The following DLEC1 variants were observed in gnomAD, a reference collection of about 807,000 sequenced individuals.
DLEC1 encodes the protein deleted in lung and esophageal cancer protein 1.
Under a neutral mutation model 198.1 loss-of-function variants are expected in DLEC1, and 146 were observed. The observed-to-expected ratio is 0.74, with a 90% CI of 0.64 to 0.85. DLEC1 has a LOEUF of 0.85. DLEC1 is among the 40% of genes least tolerant of loss of function. The pLI is 0.00. For synonymous variants in DLEC1, 897 were observed against 866.8 expected (o/e 1.03, Z -0.61); for missense variants, 2,233 against 2,220.0 (o/e 1.01, Z -0.12).
intron 10 of DLEC1, among the ~76,000 whole-genome samples, chr3:38,090,917 C>A (rs889026089): frequency 2.0e-5 from 3 of 152,108 alleles, no homozygotes; most frequent in African/African-American, 7.2e-5. Context: ...TACATCTATA[C>A]CCCTCCATTT....
Position 38,122,974 on chromosome 3 carries a change from C to T in DLEC1, c.*562C>T. ...TGCTGAGTTTTCCCATGTGGTTTTG[C>T]TTTTGTGGTGTTACTGCCTTGCTGC... is the stretch of plus-strand genomic sequence containing the variant. On this transcript the variant is annotated 3_prime_UTR_variant, in exon 37 of 37. Coordinates refer to ENST00000308059, the MANE Select transcript of DLEC1 (RefSeq NM_007335.4). 6.6e-7 allele frequency: 1 copy of T among 1,519,918 alleles called. No homozygotes were observed. The highest frequency in any genetic ancestry group is 9.1e-7 in the Non-Finnish European group (1 of 1,098,918). The allele number at this position is 1,519,918 out of a possible 1,614,324, so 94.2% of individuals were successfully genotyped here. A position where few individuals can be genotyped will look rare whatever the true frequency, so the allele number is the denominator to read the frequency against.
intron 33 of DLEC1, among the ~76,000 whole-genome samples, chr3:38,119,036 AAGGCCC>A (rs1700324066): frequency 6.6e-6 from 1 of 152,170 alleles, no homozygotes; most frequent in Non-Finnish European, 1.5e-5. Flanking sequence ...AATGGATGGG[AAGGCCC>A]AGAGCACAGC....
chr3:38,078,757 T>C (rs62240703), intron 6 of DLEC1, among the ~76,000 whole-genome samples: 53,543 of 151,788 alleles, frequency 0.35, 9,876 homozygotes, highest in East Asian at 0.55. Flanking sequence ...GAAAGCATGT[T>C]TGAGATCCAG....
intron 6 of DLEC1, among the ~76,000 whole-genome samples, chr3:38,068,610 A>G (rs1697156589): frequency 6.6e-6 from 1 of 152,228 alleles, no homozygotes; most frequent in African/African-American, 2.4e-5. Context: ...CCTATATGAT[A>G]GCAGTAGGTG....
At chr3:38,109,583 C>A in intron 22 of DLEC1, 21 bp downstream of exon 22, 1 of 1,613,802 alleles carries the variant, frequency 6.2e-7, no homozygotes, top group Non-Finnish European at 8.5e-7. Context: ...GGTTGGTGGT[C>A]TGGGGGTGGC....
intron 14 of DLEC1, 101 bp from the exon 15 acceptor site, chr3:38,096,468 G>GTT: frequency 6.1e-5 from 74 of 1,219,180 alleles, no homozygotes; most frequent in Admixed American, 9.9e-5. Context: ...GTTAGGCAGT[G>GTT]TTTTTTTTTT....
Position 38,064,033 on chromosome 3 carries a change from T to C in DLEC1, c.1173+114T>C, listed in dbSNP as rs575581749. On this transcript the variant is annotated intron_variant, in intron 6 of 36. Coordinates refer to ENST00000308059, the MANE Select transcript of DLEC1 (RefSeq NM_007335.4). ...TTTTTTTTTTTTTTTTTAGTATTTA[T>C]TGATCATTCTTGGGTGTTTCTCGGA... is the stretch of plus-strand genomic sequence containing the variant. The C allele has an allele frequency of 5.3e-4, 373 of 700,880 alleles. 5 individuals carry two copies. In the South Asian group the frequency reaches 7.5e-3, roughly 14 times the overall value. The allele number at this position is 700,880 out of a possible 1,614,324, so 43.4% of individuals were successfully genotyped here.
chr3:38,107,566 T>A lies in DLEC1; in HGVS notation c.2865-18T>A. ...CTTCTTTTCTAATCAGTATGCCTTT[T>A]GTTTCCTCGTGTTCCAGCTACCTTC... On this transcript the variant is annotated intron_variant, in intron 19 of 36. Transcript: ENST00000308059. The A allele has an allele frequency of 6.3e-7, 1 of 1,578,296 alleles. No individual in the cohort carries two copies. Among genetic ancestry groups the A allele is most frequent in the Non-Finnish European group, 8.6e-7 (1 of 1,159,040 alleles).
Position 38,039,521 on chromosome 3 carries a change from T to C in DLEC1, c.296T>C (p.Val99Ala). The change falls in exon 1 of 37, where the codon GTC becomes GCC. Residue 99 changes from valine to alanine, a missense_variant. Physicochemically the swap from Val to Ala is moderately conservative, Grantham distance 64 (BLOSUM62 0). Coordinates refer to ENST00000308059, the MANE Select transcript of DLEC1 (RefSeq NM_007335.4). ...GATATCTCGCACTTGCTCACCGGCG[T>C]CTTCCGCAACTTGTACTCAGCCGAG... ...TQDISHLLTG[V>A]FRNLYSAEVI... 1 of 1,614,048 alleles carries C rather than the reference T, an allele frequency of 6.2e-7. No individual in the cohort carries two copies. The highest frequency in any genetic ancestry group is 8.5e-7 in the Non-Finnish European group (1 of 1,179,920).
rs757490770 is a variant in DLEC1 at position 38,096,783 on chromosome 3, G to C, written c.2340+46G>C. 1.7e-5 allele frequency: 27 copies of C among 1,556,826 alleles called. No homozygotes were observed. The African/African-American group carries it at 3.5e-4, about 20-fold the overall frequency. Reference sequence around the variant, plus strand: ...TGCCTAGGCTGGCCGAGGCAGTGTTGACATGAGTGCAAGTGTAGGGAGGAT... The same window carrying C: ...TGCCTAGGCTGGCCGAGGCAGTGTTCACATGAGTGCAAGTGTAGGGAGGAT... On this transcript the variant is annotated intron_variant, in intron 15 of 36. Coordinates refer to ENST00000308059, the MANE Select transcript of DLEC1 (RefSeq NM_007335.4).
At chr3:38,085,246 C>T (rs541632223) in intron 7 of DLEC1, 28 bp from the exon 8 acceptor site, 13 of 1,613,618 alleles carry the variant, frequency 8.1e-6, no homozygotes, top group Admixed American at 1.7e-5. Context: ...CTCCCAGGAT[C>T]CTCACTTGTC....
At chr3:38,102,358 C>A (rs776727930) in intron 19 of DLEC1, among the ~76,000 whole-genome samples, 16 of 152,194 alleles carry the variant, frequency 1.1e-4, no homozygotes, top group Non-Finnish European at 2.2e-4. Flanking sequence ...CAGGGAGGAT[C>A]TGTCTCCAGA....
chr3:38,072,670 T>A (rs1697386529), intron 6 of DLEC1, among the ~76,000 whole-genome samples: 1 of 152,204 alleles, frequency 6.6e-6, no homozygotes, highest in South Asian at 2.1e-4. Context: ...AAACCAGGTA[T>A]CTAAAGGCGA....
chr3:38,040,960 A>G (rs547406005), intron 1 of DLEC1, among the ~76,000 whole-genome samples: 1 of 151,638 alleles, frequency 6.6e-6, no homozygotes, highest in South Asian at 2.1e-4. Flanking sequence ...CCTCCTCAGC[A>G]TCTGGAGTAG....
chr3:38,114,844 C>T (rs1042173729), intron 26 of DLEC1, 139 bp from the exon 27 acceptor site: 1 of 743,430 alleles, frequency 1.3e-6, no homozygotes, highest in Non-Finnish European at 2.2e-6. Context: ...GGCACCAGCC[C>T]CAGGTCTCAT....
chr3:38,095,932 C>T lies in DLEC1; in HGVS notation c.2157C>T (p.Val719=). The change falls in exon 14 of 37, where the codon GTC becomes GTT. Residue 719 remains valine, a synonymous_variant. Transcript: ENST00000308059. ...HSVLQMVLEE[V]PEPVSSEAES... The stretch of plus-strand genomic sequence containing the variant: ...TGCTCCAGATGGTGCTAGAGGAAGT[C>T]CCAGAGCCTGTAAGGTGAGAGAAAC... 6.2e-7 allele frequency: 1 copy of T among 1,613,722 alleles called. No individual in the cohort carries two copies. Among genetic ancestry groups the T allele is most frequent in the Non-Finnish European group, 8.5e-7 (1 of 1,179,990 alleles).
At chr3:38,079,316 C>T (rs1697825401) in intron 6 of DLEC1, among the ~76,000 whole-genome samples, 1 of 152,092 alleles carries the variant, frequency 6.6e-6, no homozygotes. Context: ...TAAGTTAGCA[C>T]CAGAGTTGGG....
Position 38,123,219 on chromosome 3 carries a change from A to AT in DLEC1, c.*807_*808insT. 2 of 1,220,708 alleles carry AT rather than the reference A, an allele frequency of 1.6e-6. No homozygotes were observed. The highest frequency in any genetic ancestry group is 2.4e-6 in the Non-Finnish European group (2 of 830,392). 75.6% of individuals were successfully genotyped at this position (1,220,708 alleles called of 1,614,324 possible). A position where few individuals can be genotyped will look rare whatever the true frequency, so the allele number is the denominator to read the frequency against. On this transcript the variant is annotated 3_prime_UTR_variant, in exon 37 of 37. Coordinates refer to ENST00000308059, the MANE Select transcript of DLEC1 (RefSeq NM_007335.4). ...AGGACGTCATGGACAAGTAGGATGC[A>AT]AAACCATCAGACCAGATCTGTGGGC...
At position 38,122,387 on chromosome 3, in the gene DLEC1, G is replaced by A. The variant is rs750447147; in HGVS notation, c.5243G>A (p.Arg1748Lys). The change falls in exon 37 of 37, where the codon AGA becomes AAA. Residue 1748 changes from arginine (R) to lysine (K), a missense_variant. Physicochemically the swap from Arg to Lys is conservative, Grantham distance 26. Transcript: ENST00000308059. ...RLRGQGSYDE[R>K]YMLPHQP ...CGGGGCCAAGGCTCCTATGATGAGA[G>A]ATACATGTTGCCTCACCAGCCCTGA... 3.7e-6 allele frequency: 6 copies of A among 1,614,180 alleles called. No homozygotes were observed. Among genetic ancestry groups the A allele is most frequent in the Non-Finnish European group, 4.2e-6 (5 of 1,180,030 alleles).
Sources: gnomAD v4.1 joint callset for allele counts (sites outside exome capture counted in the v4.1 genomes callset) on GRCh38, gnomAD v4.1.1 for gene constraint, MANE v1.5 for transcripts, NCBI Gene and HGNC (gene_info 2026-07-23, HGNC 2026-07-21) for gene names.